EIF4E2: variants seen among roughly 807,000 people sequenced by gnomAD.
EIF4E2 encodes the protein eukaryotic translation initiation factor 4E type 2.
EIF4E2 carries 13 observed loss-of-function variants against 34.2 expected under a neutral mutation model. That is an observed-to-expected ratio of 0.38 (90% CI 0.25 to 0.60). EIF4E2 has a LOEUF of 0.60. Ranked by LOEUF, EIF4E2 falls within the 20% of genes least tolerant of loss-of-function variation. The pLI is 0.62. For missense variants in EIF4E2, 222 were observed against 315.1 expected (o/e 0.70, Z 2.24); for synonymous variants, 100 against 106.6 (o/e 0.94, Z 0.38).
At chr2:232,575,977 G>C (rs532709778) in intron 6 of EIF4E2, among the ~76,000 whole-genome samples, 1 of 151,962 alleles carries the variant, frequency 6.6e-6, no homozygotes, top group Non-Finnish European at 1.5e-5. Context: ...AGGCCAAGGC[G>C]GGCAGATCAC....
At chr2:232,576,357 C>T (rs1050469653) in intron 6 of EIF4E2, among the ~76,000 whole-genome samples, 1 of 152,084 alleles carries the variant, frequency 6.6e-6, no homozygotes, top group Non-Finnish European at 1.5e-5. Flanking sequence ...AAAATGAAAG[C>T]GGAATAGTCA....
At chr2:232,567,362 G>C in intron 6 of EIF4E2, 148 bp downstream of exon 6, 1 of 1,453,166 alleles carries the variant, frequency 6.9e-7, no homozygotes, top group Non-Finnish European at 9.1e-7. Flanking sequence ...CTGGCTACTT[G>C]CTGCAGTTCT....
At chr2:232,552,643 C>A (rs1020200419) in intron 1 of EIF4E2, among the ~76,000 whole-genome samples, 2 of 151,840 alleles carry the variant, frequency 1.3e-5, no homozygotes, top group Non-Finnish European at 2.9e-5. Context: ...TGTTGTGTAA[C>A]CTTGGTTCAA....
chr2:232,574,057 T>C, downstream of EIF4E2: 1 of 708,932 alleles, frequency 1.4e-6, no homozygotes, highest in Non-Finnish European at 2.6e-6. Flanking sequence ...CAAGCAGAAG[T>C]GCCCGCTGGC....
In EIF4E2 at chr2:232,563,838, C is replaced by G. The variant is rs529687505; in HGVS notation, c.271-409C>G. ...GTGATTTGGTTCTAAAAAATGCATT[C>G]AGGCTGAGGCTGTGTGACACTTACA... On this transcript the variant is annotated intron_variant, in intron 3 of 6. Coordinates refer to ENST00000258416, the MANE Select transcript of EIF4E2 (RefSeq NM_004846.4). 7.2e-4 allele frequency among the ~76,000 whole-genome samples: 109 copies of G among 152,316 alleles called. 3 individuals are homozygous for G. The highest frequency in any genetic ancestry group is 5.7e-4 in the Non-Finnish European group (39 of 68,020).
chr2:232,554,172 C>A (rs1449479220), intron 1 of EIF4E2, among the ~76,000 whole-genome samples: 1 of 152,062 alleles, frequency 6.6e-6, no homozygotes, highest in Non-Finnish European at 1.5e-5. Context: ...AAGAGGAGAC[C>A]CCAACTCAGC....
At chr2:232,557,791 TGGAGG>T in intron 2 of EIF4E2, 88 bp from the exon 3 acceptor site, 1 of 1,392,108 alleles carries the variant, frequency 7.2e-7, no homozygotes, top group African/African-American at 1.4e-5. Flanking sequence ...TTTTTAATTG[TGGAGG>T]TGGTAAGGAT....
chr2:232,556,839 A>T (rs1252340212), intron 2 of EIF4E2, among the ~76,000 whole-genome samples: 4 of 152,234 alleles, frequency 2.6e-5, no homozygotes, highest in African/African-American at 7.2e-5. Context: ...TTCAAATCCT[A>T]CATACCCCTT....
downstream of EIF4E2, among the ~76,000 whole-genome samples, chr2:232,572,186 C>T (rs1243330792): frequency 6.6e-6 from 1 of 152,072 alleles, no homozygotes; most frequent in Non-Finnish European, 1.5e-5. Context: ...TTTAATATTA[C>T]CCAGTATGCC....
exon 7 of EIF4E2, chr2:232,582,479 GA>G (rs892982405): frequency 6.6e-6 from 1 of 152,088 alleles, no homozygotes; most frequent in African/African-American, 2.4e-5. Flanking sequence ...GATCAGATAA[GA>G]AGATCTAGCA....
chr2:232,568,813 C>T (rs1416987463), intron 6 of EIF4E2, 132 bp from the exon 7 acceptor site: 4 of 1,488,522 alleles, frequency 2.7e-6, no homozygotes, highest in Admixed American at 2.4e-5. Context: ...ATCCAGAGGT[C>T]TGCCTCTGGG....
chr2:232,561,864 GA>G (rs1692735439), intron 3 of EIF4E2, among the ~76,000 whole-genome samples: 1 of 137,822 alleles, frequency 7.3e-6, no homozygotes, highest in Admixed American at 7.9e-5. Context: ...CTGAGTCTGT[GA>G]ATGCTTATTT....
chr2:232,560,265 A>C (rs923582882), intron 3 of EIF4E2, among the ~76,000 whole-genome samples: 3 of 152,226 alleles, frequency 2.0e-5, no homozygotes, highest in African/African-American at 7.2e-5. Context: ...TCGTCTTTTC[A>C]ACAAACATTG....
downstream of EIF4E2, among the ~76,000 whole-genome samples, chr2:232,571,322 T>A (rs117862965): frequency 1.4e-3 from 206 of 152,372 alleles, 6 homozygotes; most frequent in East Asian, 0.035. Flanking sequence ...ACTGAGTTCT[T>A]GCTCAGGTCA....
chr2:232,573,167 T>C (rs1043969742), downstream of EIF4E2, among the ~76,000 whole-genome samples: 4 of 152,236 alleles, frequency 2.6e-5, no homozygotes, highest in Admixed American at 1.3e-4. Flanking sequence ...CATTCTTACA[T>C]TTTTCCTTAA....
chr2:232,564,686 C>T (rs887277666), intron 4 of EIF4E2, among the ~76,000 whole-genome samples: 19 of 152,184 alleles, frequency 1.2e-4, no homozygotes, highest in Admixed American at 1.1e-3. Flanking sequence ...CTCCTGACCT[C>T]GTGATCCGCC....
At chr2:232,564,475 G>A (rs1656396) in intron 4 of EIF4E2, 124 bp downstream of exon 4, 167,945 of 562,246 alleles carry the variant, frequency 0.3, 26,985 homozygotes, top group Admixed American at 0.44. Context: ...TATTTGAGAC[G>A]GAGTGTCGCT....
At chr2:232,573,878 T>C, downstream of EIF4E2, 2 of 387,198 alleles carry the variant, frequency 5.2e-6, no homozygotes, top group East Asian at 6.6e-5. Flanking sequence ...TTCTACCACC[T>C]GTGCACACAT....
intron 1 of EIF4E2, chr2:232,551,364 T>C (rs1228446403): frequency 6.6e-6 from 3 of 454,704 alleles, no homozygotes; most frequent in Non-Finnish European, 9.1e-6. Flanking sequence ...TGCCCTCTCC[T>C]GCCCGCTCCG....
Sources: allele counts gnomAD v4.1 joint callset (sites outside exome capture counted in the v4.1 genomes callset), GRCh38; gene constraint gnomAD v4.1.1; transcripts MANE v1.5; gene names NCBI Gene and HGNC (gene_info 2026-07-23, HGNC 2026-07-21).